Variants in NCKAP1 observed in about 807,000 individuals in gnomAD.
The protein encoded by NCKAP1 is nck-associated protein 1.
In NCKAP1, 21 loss-of-function variants were observed where a neutral mutation model predicts 151.2. That is an observed-to-expected ratio of 0.14 (90% CI 0.10 to 0.20). The LOEUF (loss-of-function observed/expected upper bound fraction) is 0.20. NCKAP1 is among the 10% of genes least tolerant of loss of function. The probability of loss-of-function intolerance (pLI) is 1.00; values close to 1 mark genes in which losing one functional copy is unlikely to be tolerated. For missense variants in NCKAP1, 933 were observed against 1,352.1 expected, an observed-to-expected ratio of 0.69 and a Z score of 4.86; for synonymous variants, 484 against 451.8, an observed-to-expected ratio of 1.07 and a Z score of -0.90.
chr2:182,983,133 T>C (rs1298763015), intron 11 of NCKAP1, among the ~76,000 whole-genome samples, 153 bp downstream of exon 11: 1 of 152,172 alleles, frequency 6.6e-6, no homozygotes, highest in East Asian at 1.9e-4. Context: ...GGAGGTACGA[T>C]GTATGAATGT....
intron 8 of NCKAP1, among the ~76,000 whole-genome samples, chr2:182,990,635 T>C (rs189482034): frequency 1.3e-5 from 2 of 152,292 alleles, no homozygotes; most frequent in East Asian, 3.9e-4. Flanking sequence ...GTGTCTACTA[T>C]ATATACAAGG....
intron 18 of NCKAP1, among the ~76,000 whole-genome samples, chr2:182,958,104 C>T (rs903704445): frequency 1.8e-4 from 27 of 152,090 alleles, no homozygotes; most frequent in African/African-American, 4.1e-4. Context: ...AAAAAGACAG[C>T]GACAATTTTT....
At chr2:182,976,062 C>A (rs1435767261) in intron 15 of NCKAP1, among the ~76,000 whole-genome samples, 3 of 151,994 alleles carry the variant, frequency 2.0e-5, no homozygotes, top group African/African-American at 7.2e-5. Flanking sequence ...GGGAAAGGGG[C>A]AAACTGAATG....
At chr2:182,987,109 G>C (rs1468141017) in intron 9 of NCKAP1, among the ~76,000 whole-genome samples, 3 of 152,152 alleles carry the variant, frequency 2.0e-5, no homozygotes, top group Admixed American at 2.0e-4. Context: ...GGGCATGGTG[G>C]CGGGCACCTG....
chr2:182,946,272 C>T (rs1399765212), intron 23 of NCKAP1, among the ~76,000 whole-genome samples: 2 of 152,158 alleles, frequency 1.3e-5, no homozygotes, highest in Middle Eastern at 3.4e-3. Flanking sequence ...TGGCGGTCGG[C>T]GCCTGTAGTC....
chr2:183,036,001 T>A (rs771494434), intron 1 of NCKAP1, among the ~76,000 whole-genome samples: 5 of 152,116 alleles, frequency 3.3e-5, no homozygotes, highest in Non-Finnish European at 7.4e-5. Context: ...ATAAGGCAAG[T>A]GCTAAAATAT....
intron 17 of NCKAP1, among the ~76,000 whole-genome samples, chr2:182,963,587 T>G (rs1407885493): frequency 6.6e-6 from 1 of 152,156 alleles, no homozygotes; most frequent in Non-Finnish European, 1.5e-5. Flanking sequence ...GAACTCCATT[T>G]AGAGTACATA....
chr2:183,028,014 CTAATA>C (rs1698930692), intron 1 of NCKAP1, among the ~76,000 whole-genome samples: 1 of 151,892 alleles, frequency 6.6e-6, no homozygotes, highest in South Asian at 2.1e-4. Flanking sequence ...ACATTTTAGA[CTAATA>C]TATTTCAGAA....
At position 183,023,879 on chromosome 2, in the gene NCKAP1, A is replaced by G. The variant is rs780939255; in HGVS notation, c.146T>C (p.Ile49Thr). 3 of 1,613,358 alleles carry G rather than the reference A, an allele frequency of 1.9e-6. No individual in the cohort carries two copies. Among genetic ancestry groups the G allele is most frequent in the South Asian group, 1.1e-5 (1 of 90,998 alleles). ...GDPKAKPSYL[I>T]DKNLESAVKF... ...CACAGCAGATTCCAGGTTTTTGTCG[A>G]TAAGATAGGATGGTTTTGCCTTGGG... Residue 49 changes from isoleucine to threonine, a missense_variant, in exon 2 of 31, where the codon ATC becomes ACC. Transcript: ENST00000361354.
In NCKAP1 at chr2:182,912,810, C is replaced by CTA. The variant is rs1188136259; in HGVS notation, c.*12890_*12891dup. 1 of 107,898 alleles carries CTA rather than the reference C, an allele frequency of 9.3e-6. No individual in the cohort carries two copies. The highest frequency in any genetic ancestry group is 2.0e-5 in the Non-Finnish European group (1 of 48,980). 6.7% of individuals were successfully genotyped at this position (107,898 alleles called of 1,614,324 possible). ...TTAAAATATGTGCACTAGCACAATACTATAGACAGATCTCAAAACCAAAGA... is the reference window on the plus strand; with the variant it reads ...TTAAAATATGTGCACTAGCACAATACTATATAGACAGATCTCAAAACCAAAGA... On this transcript the variant is annotated 3_prime_UTR_variant, in exon 31 of 31. Coordinates refer to ENST00000361354, the MANE Select transcript of NCKAP1 (RefSeq NM_013436.5).
intron 1 of NCKAP1, among the ~76,000 whole-genome samples, chr2:183,027,002 T>C (rs1698910188): frequency 6.6e-6 from 1 of 152,194 alleles, no homozygotes; most frequent in Non-Finnish European, 1.5e-5. Context: ...TACAATCCCC[T>C]CTCTCAATCA....
At chr2:183,005,355 C>T (rs1033608645) in intron 2 of NCKAP1, among the ~76,000 whole-genome samples, 5 of 152,104 alleles carry the variant, frequency 3.3e-5, no homozygotes, top group African/African-American at 9.7e-5. Flanking sequence ...ATAAATAATA[C>T]GGTCACCATC....
chr2:182,997,559 T>C (rs1226614142), intron 6 of NCKAP1, among the ~76,000 whole-genome samples: 1 of 152,244 alleles, frequency 6.6e-6, no homozygotes, highest in Admixed American at 6.5e-5. Context: ...TGAGAATTCC[T>C]CTTGGTATTG....
At chr2:183,014,990 T>C (rs560025726) in intron 2 of NCKAP1, among the ~76,000 whole-genome samples, 40 of 152,228 alleles carry the variant, frequency 2.6e-4, no homozygotes, top group African/African-American at 9.4e-4. Flanking sequence ...TTCAGGAAAT[T>C]TGAAGAGTAT....
chr2:182,930,458 C>T lies in NCKAP1; in HGVS notation c.2953+237G>A, dbSNP rs543120249. On this transcript the variant is annotated intron_variant, in intron 27 of 30. Transcript: ENST00000361354. ...TCAAGGCTCAGACCTGGATCCTCTT[C>T]ACTGCTGCATCTATATACACTAAAT... is the stretch of plus-strand genomic sequence containing the variant. 2.0e-5 allele frequency among the ~76,000 whole-genome samples: 3 copies of T among 152,170 alleles called. No homozygotes were observed. In the East Asian group the frequency reaches 5.8e-4, roughly 29 times the overall value.
At chr2:182,943,903 C>A (rs569577996) in intron 23 of NCKAP1, among the ~76,000 whole-genome samples, 1 of 152,142 alleles carries the variant, frequency 6.6e-6, no homozygotes, top group Non-Finnish European at 1.5e-5. Flanking sequence ...TCGGGTATGT[C>A]TCACTTTAAA....
chr2:182,926,355 G>C (rs975687199), intron 30 of NCKAP1, among the ~76,000 whole-genome samples: 1 of 151,994 alleles, frequency 6.6e-6, no homozygotes, highest in Non-Finnish European at 1.5e-5. Flanking sequence ...CTGCAGGTAA[G>C]GAAAATAACT....
rs1696628011 is a variant in NCKAP1, at chr2:182,925,641, C to T, written c.*61G>A. ...CAGGTCTTAAGGTAAAATAGTTCCACAGTCTACAGGTAAAACCAAGGCAAC... is the reference window on the plus strand; with the variant it reads ...CAGGTCTTAAGGTAAAATAGTTCCATAGTCTACAGGTAAAACCAAGGCAAC... On this transcript the variant is annotated 3_prime_UTR_variant, in exon 31 of 31. Transcript: ENST00000361354. The T allele has an allele frequency of 1.2e-6, 1 of 847,450 alleles. No homozygotes were observed. Among genetic ancestry groups the T allele is most frequent in the African/African-American group, 1.8e-5 (1 of 56,628 alleles). 52.5% of individuals were successfully genotyped at this position (847,450 alleles called of 1,614,324 possible).
intron 1 of NCKAP1, among the ~76,000 whole-genome samples, chr2:183,029,316 G>A (rs1050161380): frequency 1.3e-5 from 2 of 152,022 alleles, no homozygotes; most frequent in African/African-American, 2.4e-5. Context: ...TTTAAAGTAT[G>A]ACTTTAAAAC....
Sources: gnomAD v4.1 joint callset for allele counts (sites outside exome capture counted in the v4.1 genomes callset) on GRCh38, gnomAD v4.1.1 for gene constraint, MANE v1.5 for transcripts, NCBI Gene and HGNC (gene_info 2026-07-23, HGNC 2026-07-21) for gene names.